CACHD1: variants seen among roughly 807,000 people sequenced by gnomAD.
CACHD1 encodes cache domain containing 1.
In CACHD1, 71 loss-of-function variants were observed where a neutral mutation model predicts 138.7. That is an observed-to-expected ratio of 0.51 (90% confidence interval 0.42 to 0.62). The LOEUF (loss-of-function observed/expected upper bound fraction) is 0.62. Among genes scored for constraint, CACHD1 ranks in the 20% least tolerant of loss-of-function variants. CACHD1 has a pLI of 0.00. For missense variants in CACHD1, 1,389 were observed against 1,625.3 expected (o/e 0.85, Z 2.50); for synonymous variants, 578 against 591.5 (o/e 0.98, Z 0.33).
At position 64,630,391 on chromosome 1, in the gene CACHD1, C is replaced by A. The variant is rs140753444; in HGVS notation, c.644+910C>A. Among the ~76,000 whole-genome samples, 883 of 151,766 alleles carry A rather than the reference C, an allele frequency of 5.8e-3. 14 individuals are homozygous for A. The highest frequency in any genetic ancestry group is 0.02 in the African/African-American group (825 of 41,310). On this transcript the variant is annotated intron_variant, in intron 5 of 26. Coordinates refer to ENST00000651257, the MANE Select transcript of CACHD1 (RefSeq NM_020925.4). Reference sequence around the variant, plus strand: ...GATCTCAGCTCTGCAAACTCTGCCTCCCGGGTTCAAGCGATTCTCCTGCCT... The same window carrying A: ...GATCTCAGCTCTGCAAACTCTGCCTACCGGGTTCAAGCGATTCTCCTGCCT...
chr1:64,677,650 TC>T (rs1650040957), intron 22 of CACHD1, among the ~76,000 whole-genome samples: 1 of 152,230 alleles, frequency 6.6e-6, no homozygotes, highest in Non-Finnish European at 1.5e-5. Context: ...TAGCCCCAAG[TC>T]AATTAAGTTT....
At chr1:64,501,222 A>G (rs1049204818) in intron 1 of CACHD1, among the ~76,000 whole-genome samples, 1 of 152,190 alleles carries the variant, frequency 6.6e-6, no homozygotes, top group Admixed American at 6.5e-5. Context: ...GGAAAGTGCA[A>G]TGAACTTACT....
chr1:64,543,022 GAAT>G, intron 1 of CACHD1, among the ~76,000 whole-genome samples: 1 of 151,190 alleles, frequency 6.6e-6, no homozygotes, highest in East Asian at 1.9e-4. Flanking sequence ...CGCATAATTA[GAAT>G]AATATTTATA....
intron 3 of CACHD1, among the ~76,000 whole-genome samples, chr1:64,598,850 T>C (rs904108866): frequency 6.6e-6 from 1 of 150,928 alleles, no homozygotes; most frequent in Non-Finnish European, 1.5e-5. Context: ...CTGTCCCAAA[T>C]TTATGTGTTG....
chr1:64,664,005 T>C (rs974087281), intron 14 of CACHD1, among the ~76,000 whole-genome samples, 168 bp downstream of exon 14: 6 of 152,230 alleles, frequency 3.9e-5, no homozygotes, highest in African/African-American at 1.2e-4. Context: ...GTGACTCTTC[T>C]GATGGATGAA....
chr1:64,581,704 G>T (rs189969960), intron 2 of CACHD1, among the ~76,000 whole-genome samples: 1 of 152,266 alleles, frequency 6.6e-6, no homozygotes, highest in East Asian at 1.9e-4. Context: ...ACTGAATGTT[G>T]TTTCCTTTCC....
intron 4 of CACHD1, among the ~76,000 whole-genome samples, chr1:64,605,724 A>T (rs1188226498): frequency 1.3e-5 from 2 of 152,130 alleles, no homozygotes; most frequent in African/African-American, 4.8e-5. Flanking sequence ...CAGATCTTGG[A>T]GGATCTGGAG....
At chr1:64,517,719 A>C (rs1646468911) in intron 1 of CACHD1, among the ~76,000 whole-genome samples, 1 of 152,186 alleles carries the variant, frequency 6.6e-6, no homozygotes, top group South Asian at 2.1e-4. Flanking sequence ...TTGACTTTAG[A>C]TTAAAATTGT....
intron 2 of CACHD1, among the ~76,000 whole-genome samples, chr1:64,580,139 T>C (rs1443895396): frequency 1.3e-5 from 2 of 152,136 alleles, no homozygotes; most frequent in East Asian, 1.9e-4. Context: ...CCTCTCTCCA[T>C]ATCTAGGCCA....
chr1:64,572,056 T>C (rs1200103458), intron 2 of CACHD1, among the ~76,000 whole-genome samples: 1 of 152,224 alleles, frequency 6.6e-6, no homozygotes, highest in Non-Finnish European at 1.5e-5. Flanking sequence ...TTTTCTTTTC[T>C]ACAGTTGAGT....
At chr1:64,631,189 A>AT (rs1648291206) in intron 5 of CACHD1, among the ~76,000 whole-genome samples, 1 of 152,240 alleles carries the variant, frequency 6.6e-6, no homozygotes, top group Non-Finnish European at 1.5e-5. Context: ...CCCAAGTTTC[A>AT]TTTATGTGAA....
At chr1:64,595,868 T>A (rs912011948) in intron 3 of CACHD1, among the ~76,000 whole-genome samples, 4 of 152,212 alleles carry the variant, frequency 2.6e-5, no homozygotes, top group African/African-American at 9.7e-5. Flanking sequence ...AGACACTTTA[T>A]TGCTCTGAAA....
At chr1:64,494,989 T>G (rs948991919) in intron 1 of CACHD1, among the ~76,000 whole-genome samples, 5 of 152,252 alleles carry the variant, frequency 3.3e-5, no homozygotes, top group African/African-American at 1.2e-4. Flanking sequence ...GCATAAATCT[T>G]GTTTCTTTGT....
chr1:64,525,360 A>G (rs572221824), intron 1 of CACHD1, among the ~76,000 whole-genome samples: 1 of 152,296 alleles, frequency 6.6e-6, no homozygotes, highest in South Asian at 2.1e-4. Context: ...AAAAATGTCA[A>G]CTTGATATTT....
chr1:64,477,881 G>A lies in CACHD1; in HGVS notation c.198+6939G>A, dbSNP rs1012201835. 1.0e-3 allele frequency among the ~76,000 whole-genome samples: 158 copies of A among 151,286 alleles called. 1 individual carries two copies. Among genetic ancestry groups the A allele is most frequent in the African/African-American group, 3.7e-3 (153 of 41,354 alleles). On this transcript the variant is annotated intron_variant, in intron 1 of 26. Transcript: ENST00000651257. ...GATCTCCTGACCTCGTGATCCACCC[G>A]CCTCGGCCTCCCAAAGTGCTGGGAT...
chr1:64,689,801 A>T (rs187567405), intron 26 of CACHD1, among the ~76,000 whole-genome samples: 1 of 151,974 alleles, frequency 6.6e-6, no homozygotes, highest in East Asian at 1.9e-4. Flanking sequence ...TCAAACTCCT[A>T]CTCATCCACT....
In CACHD1 at chr1:64,679,764, C is replaced by T. The variant is rs1458842446; in HGVS notation, c.3406+8C>T. The T allele has an allele frequency of 6.2e-7, 1 of 1,612,892 alleles. No individual in the cohort carries two copies. The highest frequency in any genetic ancestry group is 1.1e-5 in the South Asian group (1 of 90,970). The stretch of plus-strand genomic sequence containing the variant: ...CTCCTCTTGCTGCCCAAGGTGAGCT[C>T]AAAATGAACCCCACAGGGGAGGCAG... On this transcript the variant is annotated splice_region_variant and intron_variant, in intron 24 of 26. Coordinates refer to ENST00000651257, the MANE Select transcript of CACHD1 (RefSeq NM_020925.4).
At chr1:64,593,463 GCTTATAA>G (rs996950297) in intron 3 of CACHD1, among the ~76,000 whole-genome samples, 1 of 152,130 alleles carries the variant, frequency 6.6e-6, no homozygotes. Context: ...TGACTTAGGT[GCTTATAA>G]CTTTTGTTCC....
At chr1:64,613,899 G>A (rs1570417653) in intron 4 of CACHD1, among the ~76,000 whole-genome samples, 1 of 152,248 alleles carries the variant, frequency 6.6e-6, no homozygotes, top group East Asian at 1.9e-4. Context: ...CTATTTCTGA[G>A]TTTATTTATT....
Sources: gnomAD v4.1 joint callset for allele counts (sites outside exome capture counted in the v4.1 genomes callset) on GRCh38, gnomAD v4.1.1 for gene constraint, MANE v1.5 for transcripts, NCBI Gene and HGNC (gene_info 2026-07-23, HGNC 2026-07-21) for gene names.